NEDD4: variants seen among roughly 807,000 people sequenced by gnomAD.
NEDD4 encodes NEDD4 E3 ubiquitin protein ligase.
In NEDD4, 99 loss-of-function variants were observed where a neutral mutation model predicts 144.9. The observed-to-expected ratio is 0.68, with a 90% CI of 0.58 to 0.81. NEDD4 has a LOEUF of 0.81. Among genes scored for constraint, NEDD4 ranks in the 30% least tolerant of loss-of-function variants. The pLI is 0.00. For synonymous variants in NEDD4, 318 were observed against 350.6 expected (o/e 0.91, Z 1.04); for missense variants, 985 against 1,065.9 (o/e 0.92, Z 1.06).
At chr15:55,986,516 A>G (rs1273029307) in intron 1 of NEDD4, among the ~76,000 whole-genome samples, 2 of 151,892 alleles carry the variant, frequency 1.3e-5, no homozygotes, top group African/African-American at 4.8e-5. Context: ...GTCATCAAGA[A>G]ACACTAAACA....
chr15:55,978,361 T>A (rs997106395), intron 1 of NEDD4, among the ~76,000 whole-genome samples: 2 of 152,240 alleles, frequency 1.3e-5, no homozygotes, highest in Non-Finnish European at 2.9e-5. Context: ...AAGTGCCATT[T>A]ATTTTAATAT....
chr15:55,892,570 CATT>C (rs2035606185), intron 5 of NEDD4, among the ~76,000 whole-genome samples: 1 of 151,952 alleles, frequency 6.6e-6, no homozygotes, highest in African/African-American at 2.4e-5. Flanking sequence ...CTTTCAAGAA[CATT>C]TTTTAAAAAG....
At chr15:55,929,130 C>A (rs1222258640) in intron 4 of NEDD4, among the ~76,000 whole-genome samples, 9 of 152,150 alleles carry the variant, frequency 5.9e-5, no homozygotes, top group African/African-American at 2.2e-4. Context: ...AAGCTGAAAA[C>A]CACCGAAAGA....
chr15:55,842,006 G>T lies in NEDD4; in HGVS notation c.1766C>A (p.Ala589Asp). 1 of 1,614,118 alleles carries T rather than the reference G, an allele frequency of 6.2e-7. No individual in the cohort carries two copies. ...TGAGATCAGGAAGAACCATTCTCTGGCAACTCCTCCATAATCCAATCCCTT... is the reference window on the plus strand; with the variant it reads ...TGAGATCAGGAAGAACCATTCTCTGTCAACTCCTCCATAATCCAATCCCTT... Reference protein sequence around the residue: ...GEKGLDYGGVAREWFFLISKE... With the variant: ...GEKGLDYGGVDREWFFLISKE... The change falls in exon 19 of 29, where the codon GCC (alanine) becomes GAC (aspartate). Residue 589 changes from alanine (A) to aspartate (D), a missense_variant. Ala to Asp is a moderately radical substitution (Grantham distance 126). Transcript: ENST00000435532.
At chr15:55,840,010 AT>A (rs59179914) in intron 21 of NEDD4, among the ~76,000 whole-genome samples, 1 of 26,672 alleles carries the variant, frequency 3.7e-5, no homozygotes, top group Non-Finnish European at 7.9e-5. Flanking sequence ...ATATATATAT[AT>A]ATATATATAT....
At position 55,874,008 on chromosome 15, in the gene NEDD4, T is replaced by C; in HGVS notation, c.292A>G (p.Thr98Ala). Reference sequence around the variant, plus strand: ...ACTTGACCTAGGAAATCATCTCTTGTCTATAAGAGAAGGAAGAAAAAATAT... The same window carrying C: ...ACTTGACCTAGGAAATCATCTCTTGCCTATAAGAGAAGGAAGAAAAAATAT... ...LFEVFDENRL[T>A]RDDFLGQVDV... Residue 98 changes from threonine to alanine, a missense_variant and splice_region_variant, in exon 6 of 29, where the codon ACA becomes GCA. Thr to Ala is a moderately conservative substitution (Grantham distance 58). Transcript: ENST00000435532. 6.6e-7 allele frequency: 1 copy of C among 1,519,046 alleles called. No homozygotes were observed. The highest frequency in any genetic ancestry group is 8.9e-7 in the Non-Finnish European group (1 of 1,119,626). The allele number at this position is 1,519,046 out of a possible 1,614,324, so 94.1% of individuals were successfully genotyped here.
rs115777509 is a variant in NEDD4, at chr15:55,849,066, C to T, written c.1348-180G>A. On this transcript the variant is annotated intron_variant, in intron 14 of 28. Coordinates refer to ENST00000435532, the MANE Select transcript of NEDD4 (RefSeq NM_006154.4). ...TTCTCCTTCTAAAATCTATCACTGT[C>T]AGGCTATAATATCAAAAGGAATAAC... is the stretch of plus-strand genomic sequence containing the variant. 3.4e-3 allele frequency among the ~76,000 whole-genome samples: 514 copies of T among 152,288 alleles called. 3 individuals carry two copies. The highest frequency in any genetic ancestry group is 0.011 in the African/African-American group (473 of 41,536).
intron 5 of NEDD4, among the ~76,000 whole-genome samples, chr15:55,907,561 C>G (rs1375574933): frequency 6.6e-6 from 1 of 152,288 alleles, no homozygotes; most frequent in East Asian, 1.9e-4. Flanking sequence ...TATTCTATTT[C>G]TGATAAATAC....
intron 2 of NEDD4, among the ~76,000 whole-genome samples, chr15:55,955,214 G>C (rs915108349): frequency 2.6e-5 from 4 of 151,618 alleles, no homozygotes; most frequent in African/African-American, 9.7e-5. Flanking sequence ...GTAGAAACAG[G>C]GTTTCACCAT....
chr15:55,943,753 G>C (rs2037052937), intron 4 of NEDD4, among the ~76,000 whole-genome samples: 1 of 152,200 alleles, frequency 6.6e-6, no homozygotes, highest in African/African-American at 2.4e-5. Context: ...TTCCCACTGG[G>C]ACACTGCCTA....
At chr15:55,923,265 C>CA (rs2036602263) in intron 5 of NEDD4, among the ~76,000 whole-genome samples, 1 of 152,092 alleles carries the variant, frequency 6.6e-6, no homozygotes, top group Non-Finnish European at 1.5e-5. Flanking sequence ...TTCTTTTAAA[C>CA]AAGCAAAAAC....
chr15:55,938,866 G>A (rs1402437574), intron 4 of NEDD4, among the ~76,000 whole-genome samples: 1 of 152,086 alleles, frequency 6.6e-6, no homozygotes, highest in Non-Finnish European at 1.5e-5. Flanking sequence ...AGCACTTTGG[G>A]AGGGCAAGGC....
rs768884562 is a variant in NEDD4, at chr15:55,829,883, T to C, written c.*14A>G. The C allele has an allele frequency of 1.3e-6, 2 of 1,594,280 alleles. No homozygotes were observed. The highest frequency in any genetic ancestry group is 1.7e-6 in the Non-Finnish European group (2 of 1,166,816). On this transcript the variant is annotated 3_prime_UTR_variant, in exon 29 of 29. Coordinates refer to ENST00000435532, the MANE Select transcript of NEDD4 (RefSeq NM_006154.4). ...ACTATGGCAGTAAAAACACTACAGA[T>C]TGTTATTTGTAATCTAATCAACTCC... is the stretch of plus-strand genomic sequence containing the variant.
chr15:55,916,442 A>G (rs751677362), intron 5 of NEDD4: 7 of 1,613,940 alleles, frequency 4.3e-6, no homozygotes, highest in Non-Finnish European at 5.9e-6. Flanking sequence ...CATTCAATTC[A>G]TTATCGACCA....
At chr15:55,915,965 G>A in intron 5 of NEDD4, 1 of 1,613,796 alleles carries the variant, frequency 6.2e-7, no homozygotes, top group Non-Finnish European at 8.5e-7. Flanking sequence ...AGGATCCTTT[G>A]CTCAGAAGAG....
intron 1 of NEDD4, among the ~76,000 whole-genome samples, chr15:55,968,757 A>C (rs1286664693): frequency 6.6e-6 from 1 of 152,174 alleles, no homozygotes; most frequent in East Asian, 1.9e-4. Flanking sequence ...AAACCCAGGA[A>C]CTGTATTTTT....
At chr15:55,986,734 C>T (rs1177566847) in intron 1 of NEDD4, among the ~76,000 whole-genome samples, 2 of 149,906 alleles carry the variant, frequency 1.3e-5, no homozygotes, top group East Asian at 2.0e-4. Flanking sequence ...GGACTACAGG[C>T]ACCCACCACC....
chr15:55,833,091 A>G lies in NEDD4; in HGVS notation c.2444T>C (p.Met815Thr), dbSNP rs754382041. ...IQWFWKAVLM[M>T]DSEKRIRLLQ... The stretch of plus-strand genomic sequence containing the variant: ...TAATCTTATTCTTTTTTCTGAATCC[A>G]TCATTAAAACAGCCTGAATAAGATA... Residue 815 changes from methionine to threonine, a missense_variant, in exon 27 of 29, where the codon ATG (methionine) becomes ACG (threonine). By Grantham distance (81) the Met-to-Thr change is moderately conservative. Transcript: ENST00000435532. 81 of 1,611,808 alleles carry G rather than the reference A, an allele frequency of 5.0e-5. No homozygotes were observed. In the Middle Eastern group the frequency reaches 9.9e-4, roughly 20 times the overall value.
At chr15:55,902,039 T>A (rs1337523850) in intron 5 of NEDD4, among the ~76,000 whole-genome samples, 1 of 152,170 alleles carries the variant, frequency 6.6e-6, no homozygotes, top group East Asian at 1.9e-4. Context: ...TCCCAGATGT[T>A]TGAACCCTAA....
Sources: allele counts gnomAD v4.1 joint callset (sites outside exome capture counted in the v4.1 genomes callset), GRCh38; gene constraint gnomAD v4.1.1; transcripts MANE v1.5; gene names NCBI Gene and HGNC (gene_info 2026-07-23, HGNC 2026-07-21).